Variants in ZNF138 observed in about 807,000 individuals in gnomAD.
The protein encoded by ZNF138 is zinc finger protein 138 (clone pHZ-32).
ZNF138 carries 33 observed loss-of-function variants against 33.0 expected under a neutral mutation model. The ratio of observed to expected loss-of-function variants is 1.00; its 90% CI spans 0.76 to 1.34. ZNF138 has a LOEUF of 1.34. Ranked by LOEUF, ZNF138 falls within the 40% of genes most tolerant of loss-of-function variation. The probability of loss-of-function intolerance (pLI) is 0.00; values close to 1 mark genes in which losing one functional copy is unlikely to be tolerated. For synonymous variants in ZNF138, 139 were observed against 120.4 expected (o/e 1.15, Z -1.01); for missense variants, 360 against 370.8 (o/e 0.97, Z 0.24).
intron 1 of ZNF138, among the ~76,000 whole-genome samples, chr7:64,802,210 T>C (rs903103058): frequency 1.3e-5 from 2 of 152,200 alleles, no homozygotes; most frequent in Non-Finnish European, 2.9e-5. Context: ...GTTGAGTATA[T>C]CTGAAGACCT....
At chr7:64,842,730 A>T in the ZNF138 span, among the ~76,000 whole-genome samples, 1 of 152,232 alleles carries the variant, frequency 6.6e-6, no homozygotes, top group Non-Finnish European at 1.5e-5. Flanking sequence ...GTAATAAATA[A>T]GTAAATGTGT....
intron 3 of ZNF138, among the ~76,000 whole-genome samples, chr7:64,825,915 A>C (rs1789575801): frequency 5.9e-5 from 9 of 152,136 alleles, no homozygotes. Context: ...GGCTCACTGC[A>C]GCCTCAAACT....
At chr7:64,820,555 G>A (rs2129006747) in intron 3 of ZNF138, among the ~76,000 whole-genome samples, 1 of 151,670 alleles carries the variant, frequency 6.6e-6, no homozygotes, top group East Asian at 1.9e-4. Flanking sequence ...AAATGGGATT[G>A]CTGTAGTTGA....
the ZNF138 span, among the ~76,000 whole-genome samples, chr7:64,857,801 C>T: frequency 9.2e-3 from 1,408 of 152,238 alleles, 16 homozygotes; most frequent in African/African-American, 0.032. Context: ...TCGTTAAAGT[C>T]GCAATAGCAC....
the ZNF138 span, chr7:64,852,855 AG>A: frequency 1.2e-6 from 1 of 859,252 alleles, no homozygotes; most frequent in Non-Finnish European, 2.0e-6. Flanking sequence ...AGGACAATCC[AG>A]GGGTTTAGTA....
At chr7:64,794,618 T>C (rs1314348702) in intron 1 of ZNF138, 47 bp downstream of exon 1, 1 of 1,612,552 alleles carries the variant, frequency 6.2e-7, no homozygotes, top group Admixed American at 1.7e-5. Flanking sequence ...AGGGAGCTGG[T>C]TGGAACCGGT....
At chr7:64,801,784 A>G (rs1417814701) in intron 1 of ZNF138, among the ~76,000 whole-genome samples, 1 of 152,086 alleles carries the variant, frequency 6.6e-6, no homozygotes, top group Admixed American at 6.6e-5. Context: ...TCAGAATCTA[A>G]GTCTCTTCAT....
intron 1 of ZNF138, among the ~76,000 whole-genome samples, chr7:64,810,462 G>GGGGAGC: frequency 1.3e-5 from 2 of 150,214 alleles, no homozygotes; most frequent in Non-Finnish European, 3.0e-5. Flanking sequence ...AGAGGGGGAG[G>GGGGAGC]GGGAGAGGGA....
intron 3 of ZNF138, among the ~76,000 whole-genome samples, chr7:64,816,907 T>A (rs1788683067): frequency 6.6e-6 from 1 of 152,230 alleles, no homozygotes; most frequent in Admixed American, 6.5e-5. Flanking sequence ...CTGCTGGGCC[T>A]GCACTAGGGC....
At chr7:64,805,043 G>C (rs1787464934) in intron 1 of ZNF138, among the ~76,000 whole-genome samples, 1 of 152,160 alleles carries the variant, frequency 6.6e-6, no homozygotes, top group Non-Finnish European at 1.5e-5. Flanking sequence ...AACTCTTGGA[G>C]CTATCCCTAT....
At chr7:64,853,429 C>T in the ZNF138 span, 4 of 768,254 alleles carry the variant, frequency 5.2e-6, no homozygotes, top group East Asian at 4.9e-5. Context: ...CTTTATGGAT[C>T]CACCGGCTCG....
chr7:64,813,821 A>C (rs1397706603), intron 1 of ZNF138, among the ~76,000 whole-genome samples: 1 of 152,156 alleles, frequency 6.6e-6, no homozygotes, highest in Admixed American at 6.5e-5. Flanking sequence ...TTCTGTGTGC[A>C]TCAACACCGC....
In ZNF138 at chr7:64,808,790, G is replaced by A. The variant is rs1787826966; in HGVS notation, c.4-6128G>A. Among the ~76,000 whole-genome samples the A allele has an allele frequency of 1.5e-5, 2 of 129,084 alleles. 1 individual carries two copies. The highest frequency in any genetic ancestry group is 3.6e-5 in the Non-Finnish European group (2 of 56,056). 84.7% of individuals were successfully genotyped at this position (129,084 alleles called of 152,430 possible). ...GTACTTGAGATTAGGGAGTGGTGATGACTCTTAGCTGCCTTCAAGCATCTG... is the reference window on the plus strand; with the variant it reads ...GTACTTGAGATTAGGGAGTGGTGATAACTCTTAGCTGCCTTCAAGCATCTG... On this transcript the variant is annotated intron_variant, in intron 1 of 3. Coordinates refer to ENST00000307355, the MANE Select transcript of ZNF138 (RefSeq NM_001271639.2).
At chr7:64,845,908 G>C in the ZNF138 span, among the ~76,000 whole-genome samples, 2 of 152,148 alleles carry the variant, frequency 1.3e-5, no homozygotes, top group Admixed American at 1.3e-4. Context: ...TTAGATTTAA[G>C]TCTTAGATCC....
chr7:64,815,701 C>T, intron 3 of ZNF138, 48 bp downstream of exon 3: 2 of 1,525,714 alleles, frequency 1.3e-6, no homozygotes, highest in Non-Finnish European at 1.8e-6. Flanking sequence ...GGTCAAAGGC[C>T]AAGGAGAAGA....
the ZNF138 span, chr7:64,852,737 G>GC: frequency 2.0e-6 from 2 of 978,228 alleles, no homozygotes; most frequent in African/African-American, 3.2e-5. Flanking sequence ...CACAGCCACT[G>GC]CCCCCTGTGT....
intron 3 of ZNF138, among the ~76,000 whole-genome samples, chr7:64,817,995 TA>T (rs61070285): frequency 0.27 from 37,405 of 136,122 alleles, 5,801 homozygotes; most frequent in Non-Finnish European, 0.35. Flanking sequence ...TTATTATTAT[TA>T]TTTTTTTTTT....
chr7:64,825,648 C>T (rs554456241), intron 3 of ZNF138, among the ~76,000 whole-genome samples: 1 of 150,976 alleles, frequency 6.6e-6, no homozygotes, highest in South Asian at 2.1e-4. Flanking sequence ...CAAGCGATTC[C>T]CCTGCCTCAG....
At chr7:64,799,183 T>C (rs937358497) in intron 1 of ZNF138, among the ~76,000 whole-genome samples, 4 of 151,208 alleles carry the variant, frequency 2.6e-5, no homozygotes, top group African/African-American at 9.9e-5. Flanking sequence ...CTTTTTTTTT[T>C]GAGATAGAGT....
Sources: allele counts gnomAD v4.1 joint callset (sites outside exome capture counted in the v4.1 genomes callset), GRCh38; gene constraint gnomAD v4.1.1; transcripts MANE v1.5; gene names NCBI Gene and HGNC (gene_info 2026-07-23, HGNC 2026-07-21).